Variants in KLRG1 observed in about 807,000 individuals in gnomAD.
The protein encoded by KLRG1 is killer cell lectin like receptor G1.
A neutral mutation model predicts 21.8 loss-of-function variants in KLRG1; 16 were observed. The observed-to-expected ratio is 0.73, with a 90% confidence interval of 0.50 to 1.11. The LOEUF (loss-of-function observed/expected upper bound fraction) is 1.11, where lower values mean the gene tolerates loss of function less well. KLRG1 is among the 50% of genes most tolerant of loss of function. The pLI is 0.00. For missense variants in KLRG1, 173 were observed against 218.3 expected (o/e 0.79, Z 1.31); for synonymous variants, 69 against 75.9 (o/e 0.91, Z 0.47).
chr12:8,954,256 A>G (rs1431488659), intron 1 of KLRG1, among the ~76,000 whole-genome samples: 1 of 152,066 alleles, frequency 6.6e-6, no homozygotes, highest in African/African-American at 2.4e-5. Context: ...ACAGTGTAGG[A>G]AGATGGTTAC....
the KLRG1 span, chr12:9,180,980 C>T: frequency 1.2e-6 from 2 of 1,611,878 alleles, no homozygotes; most frequent in Non-Finnish European, 1.7e-6. Flanking sequence ...ACTGGAAACT[C>T]ACTGAGGACA....
chr12:8,997,397 G>A (rs962291539), intron 3 of KLRG1, among the ~76,000 whole-genome samples: 2 of 152,114 alleles, frequency 1.3e-5, no homozygotes, highest in Non-Finnish European at 2.9e-5. Flanking sequence ...TTGTTCTAGT[G>A]TTATTATTCT....
At chr12:9,073,672 A>G in the KLRG1 span, among the ~76,000 whole-genome samples, 1 of 152,220 alleles carries the variant, frequency 6.6e-6, no homozygotes, top group South Asian at 2.1e-4. Flanking sequence ...TGAAGATAAA[A>G]CTTTCTGCTG....
At chr12:9,144,418 G>A in the KLRG1 span, among the ~76,000 whole-genome samples, 1 of 151,804 alleles carries the variant, frequency 6.6e-6, no homozygotes, top group Non-Finnish European at 1.5e-5. Context: ...GTTGGCCAGA[G>A]ACTCTCAGGA....
At chr12:9,203,113 AT>A in the KLRG1 span, among the ~76,000 whole-genome samples, 1 of 152,210 alleles carries the variant, frequency 6.6e-6, no homozygotes, top group Non-Finnish European at 1.5e-5. Context: ...TGAAATTTTC[AT>A]ATGATCTATT....
At chr12:9,070,205 G>A in the KLRG1 span, among the ~76,000 whole-genome samples, 10 of 151,878 alleles carry the variant, frequency 6.6e-5, no homozygotes, top group Admixed American at 5.2e-4. Context: ...TCACTGGTTC[G>A]TGTTCATATC....
At chr12:9,019,228 A>G in the KLRG1 span, among the ~76,000 whole-genome samples, 5 of 152,232 alleles carry the variant, frequency 3.3e-5, no homozygotes, top group Non-Finnish European at 4.4e-5. Context: ...ATATTGTCTC[A>G]TCCCAGTTAA....
At chr12:9,037,028 A>AT in the KLRG1 span, 3 of 181,160 alleles carry the variant, frequency 1.7e-5, no homozygotes, top group Non-Finnish European at 3.6e-5. Context: ...AACTGCACTC[A>AT]TTTTGTCTTG....
chr12:9,069,936 A>G, the KLRG1 span: 6 of 801,430 alleles, frequency 7.5e-6, no homozygotes, highest in Non-Finnish European at 1.3e-5. Context: ...GCTTTTTGTA[A>G]GGAAATATAT....
the KLRG1 span, among the ~76,000 whole-genome samples, chr12:9,203,451 C>T: frequency 2.8e-3 from 417 of 151,132 alleles, 17 homozygotes; most frequent in South Asian, 0.082. Context: ...ACGCCATTCT[C>T]CTGCCTCAGC....
At chr12:9,020,584 G>A in the KLRG1 span, among the ~76,000 whole-genome samples, 2 of 152,004 alleles carry the variant, frequency 1.3e-5, no homozygotes, top group Non-Finnish European at 1.5e-5. Context: ...CCATGTTGTT[G>A]TTTGCATCAA....
the KLRG1 span, among the ~76,000 whole-genome samples, chr12:9,083,356 T>A: frequency 6.6e-6 from 1 of 151,776 alleles, no homozygotes; most frequent in Non-Finnish European, 1.5e-5. Flanking sequence ...AACCTGCACA[T>A]TGTGCACATG....
chr12:9,175,413 A>C, the KLRG1 span, among the ~76,000 whole-genome samples: 103 of 152,248 alleles, frequency 6.8e-4, no homozygotes, highest in Non-Finnish European at 1.3e-3. Flanking sequence ...CAAAGATTTC[A>C]TGATGAAAAT....
the KLRG1 span, chr12:9,029,016 G>A: frequency 3.2e-5 from 19 of 592,914 alleles, 1 homozygote; most frequent in South Asian, 2.6e-4. Flanking sequence ...CTCATTGGTT[G>A]TTTCAAAGCT....
chr12:9,032,620 T>G, the KLRG1 span, among the ~76,000 whole-genome samples: 3 of 152,190 alleles, frequency 2.0e-5, no homozygotes, highest in Non-Finnish European at 4.4e-5. Context: ...TCTGCTAAAA[T>G]GTAGGCAAAG....
At chr12:8,983,395 CTTTT>C (rs764267755) in intron 1 of KLRG1, among the ~76,000 whole-genome samples, 4 of 89,538 alleles carry the variant, frequency 4.5e-5, no homozygotes, top group African/African-American at 1.4e-4. Flanking sequence ...ACCATTTTAC[CTTTT>C]TTTTTTTTTT....
the KLRG1 span, chr12:9,166,085 G>C: frequency 6.2e-7 from 1 of 1,610,908 alleles, no homozygotes; most frequent in South Asian, 1.1e-5. Context: ...CCAAGTCTCA[G>C]GAAAATAGCT....
At chr12:9,094,325 G>GA in the KLRG1 span, among the ~76,000 whole-genome samples, 4 of 94,382 alleles carry the variant, frequency 4.2e-5, no homozygotes, top group East Asian at 3.6e-4. Context: ...CAGCTCTCTG[G>GA]AAAAAAAAAT....
chr12:9,017,286 A>AAAAAG, the KLRG1 span, among the ~76,000 whole-genome samples: 23 of 145,940 alleles, frequency 1.6e-4, 1 homozygote, highest in African/African-American at 5.5e-4. Context: ...AAAAAAAAAA[A>AAAAAG]AAAAGAAAAG....
Sources: gnomAD v4.1 joint callset for allele counts (sites outside exome capture counted in the v4.1 genomes callset) on GRCh38, gnomAD v4.1.1 for gene constraint, MANE v1.5 for transcripts, NCBI Gene and HGNC (gene_info 2026-07-23, HGNC 2026-07-21) for gene names.